UBAP1L: variants seen among roughly 807,000 people sequenced by gnomAD.
The protein encoded by UBAP1L is ubiquitin associated protein 1 like, also known as ubiquitin-associated protein 1-like.
A neutral mutation model predicts 32.1 loss-of-function variants in UBAP1L; 32 were observed. The ratio of observed to expected loss-of-function variants is 1.00; its 90% CI spans 0.75 to 1.34. The LOEUF is 1.34. Among genes scored for constraint, UBAP1L ranks in the 40% most tolerant of loss-of-function variants. The pLI, the probability that UBAP1L is intolerant of heterozygous loss-of-function variation, is 0.00. For synonymous variants in UBAP1L, 243 were observed against 250.2 expected, an observed-to-expected ratio of 0.97 and a Z score of 0.27; for missense variants, 516 against 540.5, an observed-to-expected ratio of 0.95 and a Z score of 0.45.
At chr15:65,105,402 C>T (rs982474641) in intron 2 of UBAP1L, 2 of 300,672 alleles carry the variant, frequency 6.7e-6, no homozygotes, top group Non-Finnish European at 1.3e-5. Flanking sequence ...TCGCTTGAGC[C>T]CTAGAAGAGG....
intron 1 of UBAP1L, among the ~76,000 whole-genome samples, chr15:65,110,082 C>T (rs947737454): frequency 9.2e-5 from 14 of 152,270 alleles, no homozygotes; most frequent in South Asian, 2.1e-4. Flanking sequence ...CAAAATCGGC[C>T]GGGCGCGGTG....
At chr15:65,114,130 T>TG (rs2087387351) in intron 1 of UBAP1L, among the ~76,000 whole-genome samples, 1 of 151,870 alleles carries the variant, frequency 6.6e-6, no homozygotes, top group African/African-American at 2.4e-5. Context: ...GTGATCCACC[T>TG]GCCTTGGGCT....
rs1042235006 is a variant in UBAP1L at position 65,110,534 on chromosome 15, A to C, written c.-173-4146T>G. ...CTCAACTAAAAATACAAAAAAAAAA[A>C]CATAGCTGGGCATGGTGGCACGCGC... On this transcript the variant is annotated intron_variant, in intron 1 of 5. Transcript: ENST00000559089. 8.6e-5 allele frequency among the ~76,000 whole-genome samples: 13 copies of C among 150,866 alleles called. No homozygotes were observed. The South Asian group carries it at 1.1e-3, about 12-fold the overall frequency.
chr15:65,103,557 G>C (rs1455568431), intron 2 of UBAP1L, among the ~76,000 whole-genome samples: 7 of 152,172 alleles, frequency 4.6e-5, no homozygotes, highest in African/African-American at 1.7e-4. Context: ...TAGGGGTTGG[G>C]GAGTGAGGCA....
chr15:65,102,815 G>C lies in UBAP1L; in HGVS notation c.121-131C>G, dbSNP rs1210764305. ...TGGACAGCGTCAGATTCTGAGCCCC[G>C]GGCTTCCATCACAGCCCACTCTACC... On this transcript the variant is annotated intron_variant, in intron 2 of 5. Transcript: ENST00000559089. The surrounding 1 kb of genome is among the most constrained non-coding windows in gnomAD (Gnocchi z 5.0). 6 of 842,258 alleles carry C rather than the reference G, an allele frequency of 7.1e-6. No individual in the cohort carries two copies. Among genetic ancestry groups the C allele is most frequent in the Admixed American group, 6.5e-5 (2 of 30,816 alleles). 52.2% of individuals were successfully genotyped at this position (842,258 alleles called of 1,614,324 possible).
chr15:65,110,881 C>T (rs114077309), intron 1 of UBAP1L, among the ~76,000 whole-genome samples: 1 of 152,208 alleles, frequency 6.6e-6, no homozygotes, highest in African/African-American at 2.4e-5. Flanking sequence ...TCATCCCTGC[C>T]AGGATGACGC....
chr15:65,114,289 C>T (rs2087389100), intron 1 of UBAP1L, among the ~76,000 whole-genome samples: 1 of 151,620 alleles, frequency 6.6e-6, no homozygotes, highest in Non-Finnish European at 1.5e-5. Context: ...ATACATATTT[C>T]CTATTATTTC....
intron 1 of UBAP1L, among the ~76,000 whole-genome samples, chr15:65,109,549 ACAAAAACAAAT>A (rs1406448938): frequency 6.6e-6 from 1 of 152,014 alleles, no homozygotes; most frequent in Non-Finnish European, 1.5e-5. Flanking sequence ...TAAAACAAAA[ACAAAAACAAAT>A]CACAGAGTGG....
Position 65,102,673 on chromosome 15 carries a change from G to A in UBAP1L, c.132C>T (p.Ser44=), listed in dbSNP as rs1016189377. The part of the protein sequence containing the change: ...EVLLGSMHDF[S]LERTALFWVE... Reference sequence around the variant, plus strand: ...CCCAGAAGAGTGCCGTCCTCTCCAGGCTGAAGTCGTGCTGCGGAAAGAAGG... The same window carrying A: ...CCCAGAAGAGTGCCGTCCTCTCCAGACTGAAGTCGTGCTGCGGAAAGAAGG... The change falls in exon 3 of 6, where the codon AGC becomes AGT. Residue 44 remains serine (S), a synonymous_variant. Transcript: ENST00000559089. The surrounding 1 kb of genome is among the most constrained non-coding windows in gnomAD (Gnocchi z 5.0). 1.3e-6 allele frequency: 2 copies of A among 1,547,528 alleles called. No homozygotes were observed. Among genetic ancestry groups the A allele is most frequent in the South Asian group, 1.2e-5 (1 of 84,046 alleles).
chr15:65,110,066 A>C (rs1177441115), intron 1 of UBAP1L, among the ~76,000 whole-genome samples: 1 of 152,224 alleles, frequency 6.6e-6, no homozygotes, highest in Non-Finnish European at 1.5e-5. Flanking sequence ...TGCCTTTAAA[A>C]AAGAACAAAA....
At chr15:65,110,313 C>T (rs1343250392) in intron 1 of UBAP1L, among the ~76,000 whole-genome samples, 1 of 149,624 alleles carries the variant, frequency 6.7e-6, no homozygotes, top group African/African-American at 2.5e-5. Flanking sequence ...GAGCTGAAAT[C>T]GCGCGACTGC....
chr15:65,093,302 C>A, intron 5 of UBAP1L, 71 bp from the exon 6 acceptor site: 1 of 1,452,834 alleles, frequency 6.9e-7, no homozygotes, highest in South Asian at 1.4e-5. Context: ...GGAGCCCCAG[C>A]TCCAGTGCCT....
At position 65,110,523 on chromosome 15, in the gene UBAP1L, C is replaced by CA. The variant is rs75317473; in HGVS notation, c.-173-4136dup. 7.7e-3 allele frequency among the ~76,000 whole-genome samples: 1,010 copies of CA among 130,576 alleles called. 5 individuals are homozygous for CA. The highest frequency in any genetic ancestry group is 0.013 in the African/African-American group (458 of 35,508). The allele number at this position is 130,576 out of a possible 152,430, so 85.7% of individuals were successfully genotyped here. A position where few individuals can be genotyped will look rare whatever the true frequency, so the allele number is the denominator to read the frequency against. ...TGAAACCCCGTCTCAACTAAAAATA[C>CA]AAAAAAAAAAACATAGCTGGGCATG... On this transcript the variant is annotated intron_variant, in intron 1 of 5. Transcript: ENST00000559089.
intron 1 of UBAP1L, among the ~76,000 whole-genome samples, chr15:65,109,695 A>G (rs1457241453): frequency 6.6e-6 from 1 of 152,186 alleles, no homozygotes; most frequent in East Asian, 1.9e-4. Context: ...GAGGATATCC[A>G]AATAGCCAAT....
In UBAP1L at chr15:65,093,181, C is replaced by T. The variant is rs745612080; in HGVS notation, c.1062G>A (p.Gln354=). The part of the protein sequence containing the change: ...LWEQFSDMGF[Q]QDRIKEVLLV... ...GCAGCACCTCCTTGATCCGGTCCTG[C>T]TGGAAGCCCATGTCACTGAACTGCT... The change falls in exon 6 of 6, where the codon CAG becomes CAA. Residue 354 remains glutamine, a synonymous_variant. Transcript: ENST00000559089. 2.1e-5 allele frequency: 32 copies of T among 1,550,178 alleles called. No individual in the cohort carries two copies. The South Asian group carries it at 3.8e-4, about 18-fold the overall frequency.
chr15:65,102,323 C>T lies in UBAP1L; in HGVS notation c.482G>A (p.Arg161Gln), dbSNP rs763106125. ...VRLELAGARR[R>Q]LSEGKLVSRP... ...GGAGACCAGCTTCCCCTCGGAGAGC[C>T]GCCGCCGCGCCCCTGCCAGCTCCAA... Residue 161 changes from arginine (R) to glutamine (Q), a missense_variant, in exon 3 of 6, where the codon CGG (arginine) becomes CAG (glutamine). Physicochemically the swap from Arg to Gln is conservative, Grantham distance 43 (BLOSUM62 1). Transcript: ENST00000559089. The surrounding 1 kb of genome is among the most constrained non-coding windows in gnomAD (Gnocchi z 5.0). The T allele has an allele frequency of 2.3e-5, 33 of 1,442,404 alleles. No individual in the cohort carries two copies. The South Asian group carries it at 4.2e-4, about 18-fold the overall frequency. The allele number at this position is 1,442,404 out of a possible 1,614,324, so 89.4% of individuals were successfully genotyped here. A position where few individuals can be genotyped will look rare whatever the true frequency, so the allele number is the denominator to read the frequency against.
intron 1 of UBAP1L, among the ~76,000 whole-genome samples, chr15:65,114,677 T>TA (rs1051230635): frequency 6.6e-6 from 1 of 152,106 alleles, no homozygotes; most frequent in Non-Finnish European, 1.5e-5. Context: ...AAATGGTAAA[T>TA]AAAAAATCAT....
At position 65,094,001 on chromosome 15, in the gene UBAP1L, C is replaced by T. The variant is rs868554905; in HGVS notation, c.1011+474G>A. 5.3e-5 allele frequency among the ~76,000 whole-genome samples: 8 copies of T among 152,144 alleles called. No homozygotes were observed. Among genetic ancestry groups the T allele is most frequent in the Non-Finnish European group, 1.0e-4 (7 of 68,024 alleles). ...GGCAGAGGTTGCAGTGAGCCAAGATCGTGCCATTGCACTCCAGCCTGGGCA... is the reference window on the plus strand; with the variant it reads ...GGCAGAGGTTGCAGTGAGCCAAGATTGTGCCATTGCACTCCAGCCTGGGCA... On this transcript the variant is annotated intron_variant, in intron 5 of 5. Transcript: ENST00000559089. This position sits in a 1 kb window ranked among gnomAD's most constrained non-coding sequence, Gnocchi z 4.2.
At chr15:65,106,030 C>G (rs2087305971) in intron 2 of UBAP1L, 66 bp downstream of exon 2, 4 of 1,535,626 alleles carry the variant, frequency 2.6e-6, no homozygotes, top group East Asian at 2.4e-5. Context: ...ATTCAAGGAA[C>G]AAGGCCCCAT....
Sources: allele counts gnomAD v4.1 joint callset (sites outside exome capture counted in the v4.1 genomes callset), GRCh38; gene constraint gnomAD v4.1.1; non-coding constraint Gnocchi (gnomAD v3.1); transcripts MANE v1.5; gene names NCBI Gene and HGNC (gene_info 2026-07-23, HGNC 2026-07-21).